Variants in KLF13 observed in about 807,000 individuals in gnomAD.
The protein encoded by KLF13 is Krueppel-like factor 13.
Under a neutral mutation model 16.7 loss-of-function variants are expected in KLF13, and 8 were observed. The ratio of observed to expected loss-of-function variants is 0.48; its 90% confidence interval spans 0.28 to 0.87. KLF13 has a LOEUF of 0.87. KLF13 is among the 40% of genes least tolerant of loss of function. The pLI, the probability that KLF13 is intolerant of heterozygous loss-of-function variation, is 0.10. For synonymous variants in KLF13, 245 were observed against 208.4 expected (o/e 1.18, Z -1.51); for missense variants, 447 against 452.2 (o/e 0.99, Z 0.10).
chr15:31,424,959 A>G (rs1318869201), intron 1 of KLF13, among the ~76,000 whole-genome samples: 2 of 152,010 alleles, frequency 1.3e-5, no homozygotes, highest in Non-Finnish European at 2.9e-5. Flanking sequence ...ACAAAAATCA[A>G]CACATGAAAT....
At chr15:31,396,255 T>G (rs193132715) in intron 2 of KLF13, among the ~76,000 whole-genome samples, 83 of 152,324 alleles carry the variant, frequency 5.4e-4, no homozygotes, top group African/African-American at 1.8e-3. Flanking sequence ...ACTCCCGACT[T>G]CAGGTGATCT....
chr15:31,430,230 T>G lies in KLF13; in HGVS notation n.118-5140T>G, dbSNP rs146741319. ...TAAGTCACAAAGTGAAAGAAGATAT[T>G]TGCAGTACATACACCCAGCAAAGAG... On this transcript the variant is annotated intron_variant and non_coding_transcript_variant, in intron 1 of 1. Transcript: ENST00000558225. Among the ~76,000 whole-genome samples, 278 of 152,188 alleles carry G rather than the reference T, an allele frequency of 1.8e-3. 2 individuals carry two copies. Among genetic ancestry groups the G allele is most frequent in the African/African-American group, 3.5e-3 (145 of 41,524 alleles).
At chr15:31,399,285 G>A (rs1322316639) in intron 2 of KLF13, among the ~76,000 whole-genome samples, 2 of 152,148 alleles carry the variant, frequency 1.3e-5, no homozygotes, top group African/African-American at 2.4e-5. Flanking sequence ...AGGATCAAGC[G>A]ATTCTCCTGC....
chr15:31,409,490 A>G (rs2040166160), downstream of KLF13, among the ~76,000 whole-genome samples: 2 of 152,062 alleles, frequency 1.3e-5, no homozygotes. Flanking sequence ...AGAAGCTTAG[A>G]TAACACCAAG....
intron 2 of KLF13, among the ~76,000 whole-genome samples, chr15:31,397,211 A>T (rs1386202108): frequency 1.5e-5 from 1 of 67,468 alleles, no homozygotes; most frequent in Non-Finnish European, 2.7e-5. Flanking sequence ...GAGGGTGTCC[A>T]GGTTCAGGGT....
At chr15:31,334,027 C>G (rs922529011) in intron 1 of KLF13, among the ~76,000 whole-genome samples, 4 of 152,164 alleles carry the variant, frequency 2.6e-5, no homozygotes, top group Admixed American at 6.5e-5. Context: ...CCAGGCTCAG[C>G]CCCTTCTGTC....
At chr15:31,392,383 G>C (rs532901154), upstream of KLF13, among the ~76,000 whole-genome samples, 2 of 152,318 alleles carry the variant, frequency 1.3e-5, no homozygotes, top group Non-Finnish European at 2.9e-5. Flanking sequence ...GCCGAGTCAC[G>C]GGTCGCGGGG....
intron 1 of KLF13, among the ~76,000 whole-genome samples, chr15:31,367,000 T>G (rs2039484535): frequency 6.6e-6 from 1 of 152,260 alleles, no homozygotes; most frequent in South Asian, 2.1e-4. Flanking sequence ...GAAGACCTTT[T>G]TTCCATTTTA....
At position 31,424,145 on chromosome 15, in the gene KLF13, A is replaced by C. The variant is rs377760597; in HGVS notation, n.118-11225A>C. The stretch of plus-strand genomic sequence containing the variant: ...CAGGACCAGGTGGCTTCACTGGAGA[A>C]TTCTACCAAACACTTAAAAAAGAAT... On this transcript the variant is annotated intron_variant and non_coding_transcript_variant, in intron 1 of 1. Transcript: ENST00000558225. Among the ~76,000 whole-genome samples, 23 of 152,306 alleles carry C rather than the reference A, an allele frequency of 1.5e-4. 2 individuals carry two copies. The highest frequency in any genetic ancestry group is 9.2e-4 in the Admixed American group (14 of 15,300).
chr15:31,423,176 C>CGTATATACATACGT (rs149346729), intron 1 of KLF13, among the ~76,000 whole-genome samples: 1 of 17,000 alleles, frequency 5.9e-5, no homozygotes, highest in African/African-American at 5.1e-4. Context: ...TATATATATA[C>CGTATATACATACGT]ATATATACGT....
At chr15:31,381,958 G>A (rs891982821), downstream of KLF13, among the ~76,000 whole-genome samples, 1 of 152,212 alleles carries the variant, frequency 6.6e-6, no homozygotes, top group Non-Finnish European at 1.5e-5. Flanking sequence ...GCTCTGAGCA[G>A]CCTGCCACGC....
At chr15:31,403,992 G>C (rs2040077847) in exon 3 of KLF13, 1 of 152,258 alleles carries the variant, frequency 6.6e-6, no homozygotes, top group Non-Finnish European at 1.5e-5. Context: ...GTTACCACAA[G>C]TACAGTGGTA....
At chr15:31,332,005 T>A (rs1421515490) in intron 1 of KLF13, among the ~76,000 whole-genome samples, 2 of 152,252 alleles carry the variant, frequency 1.3e-5, no homozygotes, top group Non-Finnish European at 2.9e-5. Context: ...ATGGCTGCAT[T>A]GTAACTTATT....
rs573237219 is a variant in KLF13 at position 31,374,715 on chromosome 15, C to T, written c.*2416C>T. 5 of 152,484 alleles carry T rather than the reference C, an allele frequency of 3.3e-5. No individual in the cohort carries two copies. In the South Asian group the frequency reaches 1.0e-3, roughly 32 times the overall value. The allele number at this position is 152,484 out of a possible 1,614,324, so 9.4% of individuals were successfully genotyped here. ...AAGTGCTCTCCAGGGAGGGGTCAGA[C>T]GTCCTTGTGATCTGCCCAGGGTGTC... On this transcript the variant is annotated 3_prime_UTR_variant, in exon 2 of 2. Coordinates refer to ENST00000307145, the MANE Select transcript of KLF13 (RefSeq NM_015995.4).
exon 3 of KLF13, chr15:31,403,653 C>G (rs1566838737): frequency 6.6e-6 from 1 of 152,268 alleles, no homozygotes. Context: ...TAAAGCCACA[C>G]AAGGATAATG....
At chr15:31,368,075 G>T (rs1391171309) in intron 1 of KLF13, among the ~76,000 whole-genome samples, 6 of 137,282 alleles carry the variant, frequency 4.4e-5, no homozygotes, top group Non-Finnish European at 9.1e-5. Flanking sequence ...TCTTCTCCAT[G>T]CTCCACACTT....
chr15:31,335,533 C>G (rs994657307), intron 1 of KLF13, among the ~76,000 whole-genome samples: 1 of 151,906 alleles, frequency 6.6e-6, no homozygotes, highest in African/African-American at 2.4e-5. Context: ...GCACCAGAAA[C>G]ACAGCCTTGA....
intron 2 of KLF13, among the ~76,000 whole-genome samples, chr15:31,398,428 G>C (rs979601802): frequency 2.6e-5 from 4 of 152,212 alleles, no homozygotes; most frequent in Non-Finnish European, 5.9e-5. Context: ...GGAGCAGAGC[G>C]TGGTGGGCAA....
At chr15:31,350,122 A>G (rs1482847494) in intron 1 of KLF13, among the ~76,000 whole-genome samples, 1 of 152,250 alleles carries the variant, frequency 6.6e-6, no homozygotes, top group Non-Finnish European at 1.5e-5. Context: ...CATGGAGAGT[A>G]GTACAGCATG....
Sources: gnomAD v4.1 joint callset for allele counts (sites outside exome capture counted in the v4.1 genomes callset) on GRCh38, gnomAD v4.1.1 for gene constraint, MANE v1.5 for transcripts, NCBI Gene and HGNC (gene_info 2026-07-23, HGNC 2026-07-21) for gene names.